Variants in NAT10 observed in about 807,000 individuals in gnomAD.
The protein encoded by NAT10 is N-acetyltransferase 10.
Under a neutral mutation model 132.2 loss-of-function variants are expected in NAT10, and 109 were observed. The ratio of observed to expected loss-of-function variants is 0.82; its 90% CI spans 0.71 to 0.97. NAT10 has a LOEUF of 0.97. Ranked by LOEUF, NAT10 falls within the 50% of genes least tolerant of loss-of-function variation. The probability of loss-of-function intolerance (pLI) is 0.00; values close to 1 mark genes in which losing one functional copy is unlikely to be tolerated. For missense variants in NAT10, 1,184 were observed against 1,263.4 expected, an observed-to-expected ratio of 0.94 and a Z score of 0.95; for synonymous variants, 479 against 478.0, an observed-to-expected ratio of 1.00 and a Z score of -0.03.
In NAT10 at chr11:34,116,169, G is replaced by A. The variant is rs1851779413; in HGVS notation, c.557+285G>A. On this transcript the variant is annotated intron_variant, in intron 6 of 28. Transcript: ENST00000257829. Reference sequence around the variant, plus strand: ...CTTAGCTTACTCATCTTTTAAATGAGTGATTTTTCTGGATCACTGCTTCCC... The same window carrying A: ...CTTAGCTTACTCATCTTTTAAATGAATGATTTTTCTGGATCACTGCTTCCC... 2.0e-5 allele frequency among the ~76,000 whole-genome samples: 3 copies of A among 152,254 alleles called. 1 individual carries two copies. In the South Asian group the frequency reaches 6.2e-4, roughly 32 times the overall value.
At chr11:34,144,073 T>C (rs1299397111) in intron 28 of NAT10, among the ~76,000 whole-genome samples, 2 of 152,332 alleles carry the variant, frequency 1.3e-5, no homozygotes, top group Admixed American at 6.5e-5. Flanking sequence ...TGAGTTCCTT[T>C]ATCTCTTAAC....
intron 25 of NAT10, 149 bp downstream of exon 25, chr11:34,141,357 C>A: frequency 8.7e-7 from 1 of 1,150,846 alleles, no homozygotes; most frequent in Non-Finnish European, 1.2e-6. Flanking sequence ...AAATCCAGGA[C>A]TTCAGAACAC....
intron 8 of NAT10, among the ~76,000 whole-genome samples, chr11:34,119,991 A>G (rs1007273097): frequency 6.6e-6 from 1 of 152,202 alleles, no homozygotes; most frequent in Non-Finnish European, 1.5e-5. Flanking sequence ...CGCAGCCGTG[A>G]TTCCTAGTAA....
chr11:34,117,579 C>G (rs1010968421), intron 6 of NAT10, among the ~76,000 whole-genome samples: 2 of 152,216 alleles, frequency 1.3e-5, no homozygotes, highest in African/African-American at 4.8e-5. Context: ...ATGAGCAGAT[C>G]AGGAGGAGCA....
rs144347888 is a variant in NAT10, at chr11:34,118,459, C to A, written c.736C>A (p.Gln246Lys). The change falls in exon 8 of 29, where the codon CAG (glutamine) becomes AAG (lysine). Residue 246 changes from glutamine to lysine, a missense_variant. Gln to Lys is a moderately conservative substitution (Grantham distance 53). Transcript: ENST00000257829. The stretch of plus-strand genomic sequence containing the variant: ...GTTGAAGGAGAGCTTGCAGGACACC[C>A]AGCCTGTGGGTGTGTTGGTGGACTG... ...RELKESLQDTQPVGVLVDCCK... is the reference protein window; with the variant it reads ...RELKESLQDTKPVGVLVDCCK... The A allele has an allele frequency of 6.2e-7, 1 of 1,614,012 alleles. No individual in the cohort carries two copies. The highest frequency in any genetic ancestry group is 8.5e-7 in the Non-Finnish European group (1 of 1,180,014).
Position 34,108,094 on chromosome 11 carries a change from A to G in NAT10, c.-15-117A>G, listed in dbSNP as rs189390992. The G allele has an allele frequency of 3.3e-4, 224 of 674,780 alleles. 2 individuals are homozygous for G. The highest frequency in any genetic ancestry group is 2.0e-3 in the Middle Eastern group (8 of 4,000). 41.8% of individuals were successfully genotyped at this position (674,780 alleles called of 1,614,324 possible). ...TTCCTGTGGAGCTCGTAGAGGGTTAAGTAAGACAATACTTATAGATATGCC... is the reference window on the plus strand; with the variant it reads ...TTCCTGTGGAGCTCGTAGAGGGTTAGGTAAGACAATACTTATAGATATGCC... On this transcript the variant is annotated intron_variant, in intron 1 of 28. Transcript: ENST00000257829.
intron 28 of NAT10, among the ~76,000 whole-genome samples, chr11:34,143,925 G>C (rs991722384): frequency 1.3e-5 from 2 of 152,126 alleles, no homozygotes; most frequent in African/African-American, 4.8e-5. Flanking sequence ...AGGCTCTCAG[G>C]GGTTAAGTTC....
rs145482727 is a variant in NAT10, at chr11:34,136,727, G to T, written c.2114G>T (p.Arg705Leu). 4 of 1,614,098 alleles carry T rather than the reference G, an allele frequency of 2.5e-6. No individual in the cohort carries two copies. The highest frequency in any genetic ancestry group is 2.5e-6 in the Non-Finnish European group (3 of 1,180,022). ...AAATTGAATGAGAGGCCTGCCGAAC[G>T]CCTGGATTACCTGGGTGTTTCCTAT... ...LLKLNERPAERLDYLGVSYGL... is the reference protein window; with the variant it reads ...LLKLNERPAELLDYLGVSYGL... The change falls in exon 20 of 29, where the codon CGC becomes CTC. Residue 705 changes from arginine (R) to leucine (L), a missense_variant. Coordinates refer to ENST00000257829, the MANE Select transcript of NAT10 (RefSeq NM_024662.3).
chr11:34,146,240 A>C lies in NAT10; in HGVS notation c.*48A>C. On this transcript the variant is annotated 3_prime_UTR_variant, in exon 29 of 29. Transcript: ENST00000257829. Reference sequence around the variant, plus strand: ...TGTTTGATCATGGGAAGATACTCTCACTAACTGAACCCTCTCTGGCTGGAC... The same window carrying C: ...TGTTTGATCATGGGAAGATACTCTCCCTAACTGAACCCTCTCTGGCTGGAC... 1.8e-5 allele frequency: 24 copies of C among 1,351,800 alleles called. No individual in the cohort carries two copies. Among genetic ancestry groups the C allele is most frequent in the Non-Finnish European group, 2.3e-5 (22 of 975,408 alleles). The allele number at this position is 1,351,800 out of a possible 1,614,324, so 83.7% of individuals were successfully genotyped here. A position where few individuals can be genotyped will look rare whatever the true frequency, so the allele number is the denominator to read the frequency against.
chr11:34,138,221 C>T (rs990016319), intron 21 of NAT10, among the ~76,000 whole-genome samples: 6 of 152,070 alleles, frequency 3.9e-5, no homozygotes, highest in African/African-American at 1.4e-4. Context: ...GAGAGGTGAC[C>T]ACCTACTTCA....
Position 34,124,354 on chromosome 11 carries a change from C to T in NAT10, c.1061C>T (p.Ala354Val). ...IQSLNPEFNK[A>V]VIRVNVFREH... ...TCTCTAAATCCTGAATTTAACAAAGCAGTGATCAGAGTGAATGTATTTCGA... is the reference window on the plus strand; with the variant it reads ...TCTCTAAATCCTGAATTTAACAAAGTAGTGATCAGAGTGAATGTATTTCGA... Residue 354 changes from alanine (A) to valine (V), a missense_variant, in exon 11 of 29, where the codon GCA (alanine) becomes GTA (valine). Coordinates refer to ENST00000257829, the MANE Select transcript of NAT10 (RefSeq NM_024662.3). 2.5e-6 allele frequency: 4 copies of T among 1,613,920 alleles called. No homozygotes were observed. Among genetic ancestry groups the T allele is most frequent in the Non-Finnish European group, 3.4e-6 (4 of 1,179,886 alleles).
intron 28 of NAT10, 68 bp downstream of exon 28, chr11:34,143,596 T>A: frequency 7.0e-7 from 1 of 1,432,006 alleles, no homozygotes; most frequent in Non-Finnish European, 9.6e-7. Flanking sequence ...TCTCTTTAAC[T>A]TTGACTAGAA....
chr11:34,138,813 C>T (rs1852265347), intron 21 of NAT10: 2 of 181,296 alleles, frequency 1.1e-5, no homozygotes, highest in South Asian at 2.8e-4. Context: ...AGGCATCAAA[C>T]CCATGTTGAC....
rs751600478 is a variant in NAT10, at chr11:34,130,793, C to G, written c.1245-20C>G. 3 of 1,613,602 alleles carry G rather than the reference C, an allele frequency of 1.9e-6. No homozygotes were observed. Among genetic ancestry groups the G allele is most frequent in the East Asian group, 2.2e-5 (1 of 44,872 alleles). On this transcript the variant is annotated intron_variant, in intron 12 of 28. Coordinates refer to ENST00000257829, the MANE Select transcript of NAT10 (RefSeq NM_024662.3). ...TGGATTTGGGACCTTGTGCCTGATTCCTTTTGCCTTTGTTTCTAGCTATGA... is the reference window on the plus strand; with the variant it reads ...TGGATTTGGGACCTTGTGCCTGATTGCTTTTGCCTTTGTTTCTAGCTATGA...
chr11:34,124,937 TAA>T (rs1851959690), intron 11 of NAT10, among the ~76,000 whole-genome samples: 2 of 152,216 alleles, frequency 1.3e-5, no homozygotes, highest in African/African-American at 4.8e-5. Flanking sequence ...GCTAAATCTC[TAA>T]GAGAGGCATG....
chr11:34,139,660 C>T (rs1285462058), intron 23 of NAT10, 165 bp downstream of exon 23: 1 of 618,958 alleles, frequency 1.6e-6, no homozygotes, highest in Non-Finnish European at 2.9e-6. Flanking sequence ...CTGTCCCAGG[C>T]TGTGCTGTCT....
At chr11:34,113,871 G>A (rs764276204) in intron 5 of NAT10, 33 bp downstream of exon 5, 2 of 1,607,722 alleles carry the variant, frequency 1.2e-6, no homozygotes, top group African/African-American at 1.3e-5. Flanking sequence ...AATTGTGAGG[G>A]TTCAAGTAAA....
Position 34,135,218 on chromosome 11 carries a change from A to G in NAT10, c.1955A>G (p.Tyr652Cys), listed in dbSNP as rs1007331549. 1.9e-6 allele frequency: 3 copies of G among 1,614,188 alleles called. No homozygotes were observed. The highest frequency in any genetic ancestry group is 2.2e-5 in the East Asian group (1 of 44,884). ...SRALQLLQMY[Y>C]EGRFPCLEEK... The stretch of plus-strand genomic sequence containing the variant: ...GCTCTGCAGCTGCTGCAGATGTACT[A>G]TGAAGGCAGGTTTCCTTGTCTGGAG... Residue 652 changes from tyrosine (Y) to cysteine (C), a missense_variant, in exon 19 of 29, where the codon TAT (tyrosine) becomes TGT (cysteine). Transcript: ENST00000257829.
In NAT10 at chr11:34,129,506, C is replaced by G. The variant is rs1354454277; in HGVS notation, c.1245-1307C>G. 2.1e-5 allele frequency among the ~76,000 whole-genome samples: 3 copies of G among 145,772 alleles called. 1 individual carries two copies. The South Asian group carries it at 6.6e-4, about 32-fold the overall frequency. On this transcript the variant is annotated intron_variant, in intron 12 of 28. Coordinates refer to ENST00000257829, the MANE Select transcript of NAT10 (RefSeq NM_024662.3). ...TTTTTATTAATGATTTGTAAGGGTT[C>G]TTTATATATTCTTGATACCAGGTCC...
Sources: gnomAD v4.1 joint callset for allele counts (sites outside exome capture counted in the v4.1 genomes callset) on GRCh38, gnomAD v4.1.1 for gene constraint, MANE v1.5 for transcripts, NCBI Gene and HGNC (gene_info 2026-07-23, HGNC 2026-07-21) for gene names.